Variants in PPFIBP2 observed in about 807,000 individuals in gnomAD.
The protein encoded by PPFIBP2 is PPFIB scaffold protein 2.
A neutral mutation model predicts 118.3 loss-of-function variants in PPFIBP2; 118 were observed. The ratio of observed to expected loss-of-function variants is 1.00; its 90% confidence interval spans 0.86 to 1.16. PPFIBP2 has a LOEUF of 1.16. PPFIBP2 is among the 50% of genes most tolerant of loss of function. The pLI is 0.00. For missense variants in PPFIBP2, 1,195 were observed against 1,073.1 expected, an observed-to-expected ratio of 1.11 and a Z score of -1.59; for synonymous variants, 414 against 397.4, an observed-to-expected ratio of 1.04 and a Z score of -0.50.
At chr11:7,557,687 T>C (rs1205534646) in intron 2 of PPFIBP2, among the ~76,000 whole-genome samples, 1 of 152,146 alleles carries the variant, frequency 6.6e-6, no homozygotes, top group Non-Finnish European at 1.5e-5. Context: ...TCAAGCTTTT[T>C]ATATTTATCT....
At chr11:7,593,100 T>G in intron 3 of PPFIBP2, 32 bp from the exon 4 acceptor site, 1 of 1,604,948 alleles carries the variant, frequency 6.2e-7, no homozygotes, top group Non-Finnish European at 8.5e-7. Flanking sequence ...TCCAACCTTT[T>G]AAGTGTATTC....
chr11:7,565,579 G>A lies in PPFIBP2; in HGVS notation c.91G>A (p.Asp31Asn), dbSNP rs1395914080. The A allele has an allele frequency of 6.2e-7, 1 of 1,614,204 alleles. No individual in the cohort carries two copies. The highest frequency in any genetic ancestry group is 8.5e-7 in the Non-Finnish European group (1 of 1,180,030). ...AGTKTGADLSDGTCEPGLASP... is the reference protein window; with the variant it reads ...AGTKTGADLSNGTCEPGLASP... ...CACTAAAACAGGTGCAGATCTTAGT[G>A]ATGGTACTTGTGAGCCTGGACTGGC... Residue 31 changes from aspartate to asparagine, a missense_variant, in exon 3 of 24, where the codon GAT becomes AAT. Coordinates refer to ENST00000299492, the MANE Select transcript of PPFIBP2 (RefSeq NM_003621.5).
At chr11:7,607,421 A>G (rs528299132) in intron 5 of PPFIBP2, among the ~76,000 whole-genome samples, 3 of 150,998 alleles carry the variant, frequency 2.0e-5, no homozygotes, top group Non-Finnish European at 2.9e-5. Context: ...GGGTTCCACT[A>G]TGTTGTCTAG....
intron 2 of PPFIBP2, 142 bp downstream of exon 2, chr11:7,549,681 T>C (rs1002059728): frequency 1.1e-6 from 1 of 881,242 alleles, no homozygotes; most frequent in African/African-American, 1.8e-5. Flanking sequence ...TTATTGTGTA[T>C]GTAATCTCTT....
chr11:7,575,338 T>C (rs997939310), intron 3 of PPFIBP2, among the ~76,000 whole-genome samples: 4 of 152,164 alleles, frequency 2.6e-5, no homozygotes, highest in Non-Finnish European at 5.9e-5. Context: ...GAGGGGAATT[T>C]AGGTGCTCAG....
the PPFIBP2 span, among the ~76,000 whole-genome samples, chr11:7,663,051 A>G: frequency 7.5e-6 from 1 of 133,912 alleles, no homozygotes; most frequent in Non-Finnish European, 1.7e-5. Flanking sequence ...ACATTCTTCT[A>G]AATTTTTTTC....
chr11:7,554,967 A>C (rs1448990043), intron 2 of PPFIBP2, among the ~76,000 whole-genome samples: 1 of 152,006 alleles, frequency 6.6e-6, no homozygotes, highest in Admixed American at 6.5e-5. Flanking sequence ...TTAACCTTTG[A>C]TCTAGTCTTC....
At chr11:7,640,556 C>A (rs1252349233) in intron 15 of PPFIBP2, among the ~76,000 whole-genome samples, 1 of 152,242 alleles carries the variant, frequency 6.6e-6, no homozygotes, top group Non-Finnish European at 1.5e-5. Context: ...AGCCTCAGCT[C>A]TTCCCTGAGC....
intron 3 of PPFIBP2, among the ~76,000 whole-genome samples, chr11:7,569,865 A>G (rs78690299): frequency 6.6e-6 from 1 of 152,282 alleles, no homozygotes; most frequent in East Asian, 1.9e-4. Flanking sequence ...TTCTCTGTTT[A>G]CTATGGTGAA....
intron 3 of PPFIBP2, among the ~76,000 whole-genome samples, chr11:7,585,091 A>G (rs1046915170): frequency 2.6e-5 from 4 of 152,240 alleles, no homozygotes; most frequent in African/African-American, 9.6e-5. Flanking sequence ...TTTACAGGCA[A>G]AGAGCCATCA....
intron 4 of PPFIBP2, among the ~76,000 whole-genome samples, chr11:7,594,927 A>AG (rs894604187): frequency 2.6e-5 from 4 of 151,986 alleles, no homozygotes; most frequent in Admixed American, 1.3e-4. Flanking sequence ...AAAAAAAAAA[A>AG]AAAAAAAAAA....
intron 1 of PPFIBP2, among the ~76,000 whole-genome samples, chr11:7,520,936 C>A (rs1849702900): frequency 6.6e-6 from 1 of 152,190 alleles, no homozygotes; most frequent in Non-Finnish European, 1.5e-5. Context: ...GACTGTGGAT[C>A]TTCACAAGCT....
intron 2 of PPFIBP2, 50 bp downstream of exon 2, chr11:7,549,589 G>A (rs2134530408): frequency 7.0e-7 from 1 of 1,422,856 alleles, no homozygotes; most frequent in Non-Finnish European, 9.3e-7. Context: ...CACATTCCAG[G>A]AACTGCTTCT....
chr11:7,653,797 G>T (rs188323419), downstream of PPFIBP2: 9 of 1,195,354 alleles, frequency 7.5e-6, no homozygotes, highest in East Asian at 5.8e-5. Flanking sequence ...TGGGGAAAAA[G>T]AGCTGAGGGT....
At chr11:7,626,469 C>G (rs1444356384) in intron 8 of PPFIBP2, among the ~76,000 whole-genome samples, 1 of 152,204 alleles carries the variant, frequency 6.6e-6, no homozygotes, top group Non-Finnish European at 1.5e-5. Flanking sequence ...CTGCCTAGCA[C>G]TTATTATAAC....
At chr11:7,596,529 G>C (rs1860343013) in intron 4 of PPFIBP2, among the ~76,000 whole-genome samples, 1 of 151,968 alleles carries the variant, frequency 6.6e-6, no homozygotes. Flanking sequence ...TATTAATTTA[G>C]ATTAGTTCCT....
At chr11:7,586,188 G>T (rs1305508624) in intron 3 of PPFIBP2, among the ~76,000 whole-genome samples, 1 of 152,094 alleles carries the variant, frequency 6.6e-6, no homozygotes, top group African/African-American at 2.4e-5. Context: ...AAGTATTTTG[G>T]TTATTGTTCC....
Position 7,541,456 on chromosome 11 carries a change from G to T in PPFIBP2, c.-36-7984G>T, listed in dbSNP as rs560424550. Among the ~76,000 whole-genome samples the T allele has an allele frequency of 1.4e-3, 208 of 152,246 alleles. 1 individual carries two copies. The highest frequency in any genetic ancestry group is 2.4e-3 in the Non-Finnish European group (165 of 68,018). On this transcript the variant is annotated intron_variant, in intron 1 of 23. Transcript: ENST00000299492. ...CTCTGGTCTTATTCAGCAGCATTTG[G>T]TGCACCTGACTGCGCCCTCTATCCA...
Position 7,549,443 on chromosome 11 carries a change from G to A in PPFIBP2, c.-33G>A, listed in dbSNP as rs1235839982. ...TGTTCTGTATTTGAATTTTCAGTAAGAAGAGGAGGAGGCCAGGCAGGCAAA... is the reference window on the plus strand; with the variant it reads ...TGTTCTGTATTTGAATTTTCAGTAAAAAGAGGAGGAGGCCAGGCAGGCAAA... On this transcript the variant is annotated 5_prime_UTR_variant, in exon 2 of 24. Coordinates refer to ENST00000299492, the MANE Select transcript of PPFIBP2 (RefSeq NM_003621.5). 1 of 1,553,204 alleles carries A rather than the reference G, an allele frequency of 6.4e-7. No individual in the cohort carries two copies. The highest frequency in any genetic ancestry group is 8.7e-7 in the Non-Finnish European group (1 of 1,147,760).
Sources: gnomAD v4.1 joint callset for allele counts (sites outside exome capture counted in the v4.1 genomes callset) on GRCh38, gnomAD v4.1.1 for gene constraint, MANE v1.5 for transcripts, NCBI Gene and HGNC (gene_info 2026-07-23, HGNC 2026-07-21) for gene names.